ELAVL2: variants seen among roughly 807,000 people sequenced by gnomAD.
The protein encoded by ELAVL2 is ELAV like RNA binding protein 2.
ELAVL2 carries 4 observed loss-of-function variants against 34.6 expected under a neutral mutation model. The observed-to-expected ratio is 0.12, with a 90% CI of 0.06 to 0.26. The LOEUF (loss-of-function observed/expected upper bound fraction) is 0.26. Among genes scored for constraint, ELAVL2 ranks in the 10% least tolerant of loss-of-function variants. The pLI is 1.00. For synonymous variants in ELAVL2, 193 were observed against 154.8 expected (o/e 1.25, Z -1.83); for missense variants, 432 against 442.8 (o/e 0.98, Z 0.22).
At chr9:23,795,611 T>C (rs964676953) in intron 1 of ELAVL2, among the ~76,000 whole-genome samples, 1 of 152,148 alleles carries the variant, frequency 6.6e-6, no homozygotes, top group African/African-American at 2.4e-5. Context: ...ACTACGTCCA[T>C]AGTCATTGAT....
intron 1 of ELAVL2, among the ~76,000 whole-genome samples, chr9:23,782,454 C>A (rs2136876097): frequency 6.6e-6 from 1 of 151,920 alleles, no homozygotes; most frequent in African/African-American, 2.4e-5. Flanking sequence ...CACCTGTAAT[C>A]CCAGCTACTC....
intron 3 of ELAVL2, among the ~76,000 whole-genome samples, chr9:23,708,472 G>A (rs917629901): frequency 2.0e-5 from 3 of 152,038 alleles, no homozygotes; most frequent in Non-Finnish European, 2.9e-5. Flanking sequence ...TCTGTGTCCT[G>A]GTCTCCTCAT....
intron 2 of ELAVL2, among the ~76,000 whole-genome samples, chr9:23,741,306 G>A (rs987767900): frequency 6.6e-6 from 1 of 152,100 alleles, no homozygotes; most frequent in Non-Finnish European, 1.5e-5. Flanking sequence ...AAGCAAGACT[G>A]GCCCATGTGA....
upstream of ELAVL2, among the ~76,000 whole-genome samples, chr9:23,827,793 G>C (rs2065371530): frequency 6.6e-6 from 1 of 152,146 alleles, no homozygotes; most frequent in African/African-American, 2.4e-5. Context: ...GAGTGTCCTT[G>C]AGTGTTGATA....
chr9:23,809,378 C>G (rs2062670887), intron 1 of ELAVL2, among the ~76,000 whole-genome samples: 1 of 152,078 alleles, frequency 6.6e-6, no homozygotes, highest in South Asian at 2.1e-4. Context: ...GACATTTGGA[C>G]TGAAAGATGC....
In ELAVL2 at chr9:23,692,502, A is replaced by G. The variant is rs2033468590; in HGVS notation, c.*55T>C. 1 of 1,524,260 alleles carries G rather than the reference A, an allele frequency of 6.6e-7. No individual in the cohort carries two copies. Among genetic ancestry groups the G allele is most frequent in the East Asian group, 2.3e-5 (1 of 43,714 alleles). 94.4% of individuals were successfully genotyped at this position (1,524,260 alleles called of 1,614,324 possible). A position where few individuals can be genotyped will look rare whatever the true frequency, so the allele number is the denominator to read the frequency against. On this transcript the variant is annotated 3_prime_UTR_variant, in exon 7 of 7. Coordinates refer to ENST00000397312, the MANE Select transcript of ELAVL2 (RefSeq NM_004432.5). ...TTTACTAATGTATAAAGTTTCTCTT[A>G]ACTTGCCTTTGTTGTATAGTTTTCA... is the stretch of plus-strand genomic sequence containing the variant.
chr9:23,709,560 A>T (rs925625067), intron 3 of ELAVL2, among the ~76,000 whole-genome samples: 2 of 152,160 alleles, frequency 1.3e-5, no homozygotes, highest in Non-Finnish European at 2.9e-5. Context: ...TGGTTCTACA[A>T]GACTAAACTC....
rs772447999 is a variant in ELAVL2 at position 23,692,901 on chromosome 9, G to A, written c.753-17C>T. 1 of 1,608,370 alleles carries A rather than the reference G, an allele frequency of 6.2e-7. No individual in the cohort carries two copies. The highest frequency in any genetic ancestry group is 8.5e-7 in the Non-Finnish European group (1 of 1,176,040). ...GGAGAAAACCTGCTAAACAGAATAG[G>A]AAATACACACATACACACAAAAAAT... On this transcript the variant is annotated splice_polypyrimidine_tract_variant and intron_variant, in intron 6 of 6. Coordinates refer to ENST00000397312, the MANE Select transcript of ELAVL2 (RefSeq NM_004432.5).
intron 1 of ELAVL2, among the ~76,000 whole-genome samples, chr9:23,800,874 C>G (rs1020822606): frequency 6.6e-6 from 1 of 152,100 alleles, no homozygotes; most frequent in Admixed American, 6.6e-5. Context: ...CTCAGAGGAT[C>G]CTATTCACAT....
chr9:23,824,023 C>A (rs1277310323), intron 1 of ELAVL2, among the ~76,000 whole-genome samples: 7 of 152,132 alleles, frequency 4.6e-5, no homozygotes, highest in Admixed American at 3.9e-4. Context: ...GGGGAAGGGA[C>A]AGAATCCGTG....
At chr9:23,693,327 G>T in intron 6 of ELAVL2, 121 bp downstream of exon 6, 1 of 1,233,116 alleles carries the variant, frequency 8.1e-7, no homozygotes, top group African/African-American at 1.5e-5. Context: ...TTTTCATTAG[G>T]TTGCACATGC....
chr9:23,798,969 G>C (rs766504861), intron 1 of ELAVL2, among the ~76,000 whole-genome samples: 1 of 152,056 alleles, frequency 6.6e-6, no homozygotes, highest in Non-Finnish European at 1.5e-5. Flanking sequence ...TCCAAAACTT[G>C]ATCATTTTCT....
intron 1 of ELAVL2, among the ~76,000 whole-genome samples, chr9:23,770,006 G>A (rs375658818): frequency 1.7e-4 from 26 of 152,208 alleles, no homozygotes; most frequent in East Asian, 1.4e-3. Context: ...AAGATCTGGC[G>A]AAAAAGATCT....
chr9:23,750,962 A>G (rs540379662), intron 2 of ELAVL2, among the ~76,000 whole-genome samples: 11 of 152,300 alleles, frequency 7.2e-5, no homozygotes, highest in African/African-American at 2.4e-4. Context: ...ACACACAGCT[A>G]TGCCTCCCTT....
intron 1 of ELAVL2, among the ~76,000 whole-genome samples, chr9:23,764,611 T>G (rs998483849): frequency 2.0e-5 from 3 of 152,190 alleles, no homozygotes; most frequent in Admixed American, 1.3e-4. Flanking sequence ...TTCAACTTTT[T>G]TTTTGGAGCA....
At chr9:23,767,959 G>A (rs2056624225) in intron 1 of ELAVL2, among the ~76,000 whole-genome samples, 1 of 152,094 alleles carries the variant, frequency 6.6e-6, no homozygotes, top group Non-Finnish European at 1.5e-5. Flanking sequence ...CCCTGGTGAG[G>A]CTGCGCCTGT....
intron 1 of ELAVL2, among the ~76,000 whole-genome samples, chr9:23,764,030 G>C (rs2055665251): frequency 6.6e-6 from 1 of 152,106 alleles, no homozygotes; most frequent in Admixed American, 6.6e-5. Flanking sequence ...AATTTGAAAA[G>C]GGAAGTTTCA....
At chr9:23,837,960 C>T in the ELAVL2 span, among the ~76,000 whole-genome samples, 4 of 152,132 alleles carry the variant, frequency 2.6e-5, no homozygotes, top group African/African-American at 9.7e-5. Context: ...ATGTCCTTGG[C>T]TGTTCCAACC....
intron 1 of ELAVL2, among the ~76,000 whole-genome samples, chr9:23,796,414 C>T (rs1047124108): frequency 2.6e-5 from 4 of 152,254 alleles, no homozygotes; most frequent in East Asian, 1.9e-4. Context: ...CATAAAAGGA[C>T]TCTCACCTAC....
Sources: gnomAD v4.1 joint callset for allele counts (sites outside exome capture counted in the v4.1 genomes callset) on GRCh38, gnomAD v4.1.1 for gene constraint, MANE v1.5 for transcripts, NCBI Gene and HGNC (gene_info 2026-07-23, HGNC 2026-07-21) for gene names.